DMD: variants seen among roughly 807,000 people sequenced by gnomAD.
DMD encodes mutant dystrophin.
A neutral mutation model predicts 330.1 loss-of-function variants in DMD; 63 were observed. The observed-to-expected ratio is 0.19, with a 90% CI of 0.16 to 0.24. The LOEUF is 0.24. DMD is among the 10% of genes least tolerant of loss of function. DMD has a pLI of 1.00. For missense variants in DMD, 3,344 were observed against 2,684.1 expected, an observed-to-expected ratio of 1.25 and a Z score of -5.43; for synonymous variants, 1,223 against 959.8, an observed-to-expected ratio of 1.27 and a Z score of -5.07.
At chrX:32,673,438 A>G (rs147165576) in intron 9 of DMD, among the ~76,000 whole-genome samples, 8,571 of 110,946 alleles carry the variant, frequency 0.077, 295 homozygotes, top group African/African-American at 0.13. Context: ...TGAAGTACAG[A>G]AAAAAAAGAA....
chrX:32,211,922 C>G (rs6631517), intron 44 of DMD, among the ~76,000 whole-genome samples: 5 of 111,460 alleles, frequency 4.5e-5, no homozygotes, highest in African/African-American at 1.6e-4. Flanking sequence ...CTCATTCTAT[C>G]ATAGCCCATG....
At chrX:32,664,592 A>C (rs2061185167) in intron 9 of DMD, among the ~76,000 whole-genome samples, 1 of 112,010 alleles carries the variant, frequency 8.9e-6, no homozygotes, top group Admixed American at 9.5e-5. Flanking sequence ...AAAGAACAAG[A>C]CTAAGTTTGA....
At chrX:32,678,879 T>G (rs1261823636) in intron 9 of DMD, among the ~76,000 whole-genome samples, 1 of 111,837 alleles carries the variant, frequency 8.9e-6, no homozygotes, top group Non-Finnish European at 1.9e-5. Context: ...AACAGATTTT[T>G]AAACATATAA....
intron 7 of DMD, among the ~76,000 whole-genome samples, chrX:32,719,743 A>T (rs1001781793): frequency 8.2e-5 from 9 of 110,340 alleles, no homozygotes; most frequent in Non-Finnish European, 1.5e-4. Context: ...TCATTTATTT[A>T]GCTGAATAAA....
chrX:31,317,783 T>C (rs1031617914), intron 62 of DMD, among the ~76,000 whole-genome samples: 3 of 111,685 alleles, frequency 2.7e-5, no homozygotes, highest in Admixed American at 9.5e-5. Flanking sequence ...AGTGCTGGGA[T>C]TACAGGCGTG....
chrX:31,604,259 T>C (rs769752326), intron 55 of DMD, among the ~76,000 whole-genome samples: 10 of 112,130 alleles, frequency 8.9e-5, no homozygotes, highest in African/African-American at 1.3e-4. Flanking sequence ...TAGTAACTCA[T>C]TGTTTTACAT....
At chrX:32,076,172 G>A (rs1474471635) in intron 44 of DMD, among the ~76,000 whole-genome samples, 3 of 103,183 alleles carry the variant, frequency 2.9e-5, no homozygotes, top group South Asian at 9.4e-4. Flanking sequence ...ACAAAGGAAT[G>A]CAAAGTCATG....
At chrX:32,594,239 T>C (rs1016733053) in intron 13 of DMD, among the ~76,000 whole-genome samples, 6 of 111,813 alleles carry the variant, frequency 5.4e-5, no homozygotes, top group Admixed American at 9.5e-5. Flanking sequence ...AAATGGGGAC[T>C]TCCCTTCCTA....
chrX:32,786,271 T>A (rs2075354582), intron 7 of DMD, among the ~76,000 whole-genome samples: 1 of 111,093 alleles, frequency 9.0e-6, no homozygotes, highest in East Asian at 2.8e-4. Flanking sequence ...CTTTTTTTTT[T>A]AATCCACATA....
chrX:31,465,364 C>T (rs1347483652), intron 59 of DMD, among the ~76,000 whole-genome samples: 1 of 110,612 alleles, frequency 9.0e-6, no homozygotes, highest in Non-Finnish European at 1.9e-5. Context: ...TAACCTCCCA[C>T]CCCTCGACAG....
At chrX:31,417,303 T>C (rs1342514356) in intron 60 of DMD, among the ~76,000 whole-genome samples, 5 of 110,936 alleles carry the variant, frequency 4.5e-5, no homozygotes, top group Non-Finnish European at 9.5e-5. Flanking sequence ...TTTTTTTCTT[T>C]TTTTTTTGAG....
At chrX:32,904,426 T>A (rs1028772907) in intron 2 of DMD, among the ~76,000 whole-genome samples, 2 of 111,511 alleles carry the variant, frequency 1.8e-5, no homozygotes, top group Non-Finnish European at 3.8e-5. Context: ...ATAGGTTTAA[T>A]TTTGGATAAG....
At chrX:32,865,227 G>C (rs922866625) in intron 2 of DMD, among the ~76,000 whole-genome samples, 1 of 111,086 alleles carries the variant, frequency 9.0e-6, no homozygotes, top group Non-Finnish European at 1.9e-5. Context: ...AAAACATACT[G>C]CCACTGTTTT....
At chrX:31,245,515 T>C (rs1313128741) in intron 63 of DMD, among the ~76,000 whole-genome samples, 1 of 112,043 alleles carries the variant, frequency 8.9e-6, no homozygotes, top group Non-Finnish European at 1.9e-5. Flanking sequence ...CTTTGCTGTA[T>C]TGCACTTTGT....
At chrX:33,070,673 C>CTCTCTCTCTCTCTCTA (rs1192910156) in intron 1 of DMD, among the ~76,000 whole-genome samples, 13 of 35,640 alleles carry the variant, frequency 3.6e-4, no homozygotes, top group Non-Finnish European at 5.8e-4. Context: ...CTCTCTCTCT[C>CTCTCTCTCTCTCTCTA]TATATATATA....
intron 61 of DMD, among the ~76,000 whole-genome samples, chrX:31,326,321 A>G (rs2056784640): frequency 9.0e-6 from 1 of 111,443 alleles, no homozygotes; most frequent in African/African-American, 3.3e-5. Context: ...AATATTTTTA[A>G]AGAATTTTAA....
In DMD at chrX:31,929,644, T is replaced by C. The variant is rs773645491; in HGVS notation, c.6864A>G (p.Gln2288=). Residue 2288 remains glutamine, a synonymous_variant, in exon 47 of 79, where the codon CAA becomes CAG. Coordinates refer to ENST00000357033, the MANE Select transcript of DMD (RefSeq NM_004006.3). ...GCTTGAGCTTATTTTCAAGTTTATC[T>C]TGCTCTTCTGGGCTTATGGGAGCAC... ...LVSAPISPEE[Q]DKLENKLKQT... is the part of the protein sequence containing the mutation. 1 of 1,211,486 alleles carries C rather than the reference T, an allele frequency of 8.3e-7. No homozygotes were observed. The highest frequency in any genetic ancestry group is 1.1e-6 in the Non-Finnish European group (1 of 895,413).
chrX:32,514,470 G>A (rs905270594), intron 18 of DMD, among the ~76,000 whole-genome samples: 3 of 112,081 alleles, frequency 2.7e-5, no homozygotes, highest in East Asian at 2.8e-4. Flanking sequence ...TGCCGGGCGC[G>A]GTGGCTCACG....
At chrX:32,392,911 T>C (rs1481340081) in intron 30 of DMD, among the ~76,000 whole-genome samples, 1 of 112,742 alleles carries the variant, frequency 8.9e-6, no homozygotes, top group African/African-American at 3.2e-5. Context: ...CTGCTAGGCA[T>C]GTGAATGAGT....
Sources: gnomAD v4.1 joint callset for allele counts (sites outside exome capture counted in the v4.1 genomes callset) on GRCh38, gnomAD v4.1.1 for gene constraint, MANE v1.5 for transcripts, NCBI Gene and HGNC (gene_info 2026-07-23, HGNC 2026-07-21) for gene names.